The following MTMR7 variants were observed in gnomAD, a reference collection of about 807,000 sequenced individuals.
MTMR7 encodes the protein myotubularin related protein 7.
Under a neutral mutation model 81.2 loss-of-function variants are expected in MTMR7, and 76 were observed. The ratio of observed to expected loss-of-function variants is 0.94; its 90% CI spans 0.78 to 1.13. The LOEUF is 1.13. MTMR7 is among the 50% of genes most tolerant of loss of function. MTMR7 has a pLI of 0.00. For synonymous variants in MTMR7, 372 were observed against 289.8 expected (o/e 1.28, Z -2.88); for missense variants, 1,044 against 820.0 (o/e 1.27, Z -3.34).
At chr8:17,365,286 G>C (rs959453224) in intron 3 of MTMR7, among the ~76,000 whole-genome samples, 10 of 152,054 alleles carry the variant, frequency 6.6e-5, no homozygotes, top group African/African-American at 2.2e-4. Flanking sequence ...CTATAGAGTT[G>C]TTTGAGTTCC....
intron 7 of MTMR7, among the ~76,000 whole-genome samples, chr8:17,318,671 T>A (rs1818225195): frequency 6.6e-6 from 1 of 152,196 alleles, no homozygotes; most frequent in African/African-American, 2.4e-5. Flanking sequence ...GGTTCCAGGT[T>A]AGGGTCTGCT....
At position 17,300,233 on chromosome 8, in the gene MTMR7, G is replaced by A; in HGVS notation, c.1621-9C>T. On this transcript the variant is annotated splice_polypyrimidine_tract_variant and intron_variant, in intron 13 of 13. Coordinates refer to ENST00000180173, the MANE Select transcript of MTMR7 (RefSeq NM_004686.5). ...TGAATTTTTTCCAGCCTCTAAGAAA[G>A]AAATAACAATTTCAGGGGAAAAATC... 6.3e-7 allele frequency: 1 copy of A among 1,590,500 alleles called. No homozygotes were observed. The highest frequency in any genetic ancestry group is 8.6e-7 in the Non-Finnish European group (1 of 1,169,578).
chr8:17,411,388 CAT>C (rs936971776), intron 1 of MTMR7, among the ~76,000 whole-genome samples: 2 of 152,202 alleles, frequency 1.3e-5, no homozygotes, highest in African/African-American at 4.8e-5. Flanking sequence ...GCACCTTGCA[CAT>C]GTCTCTATCA....
chr8:17,340,535 T>G (rs1819377354), intron 6 of MTMR7, among the ~76,000 whole-genome samples: 1 of 152,188 alleles, frequency 6.6e-6, no homozygotes, highest in South Asian at 2.1e-4. Flanking sequence ...CTTGTTGAAG[T>G]TTTAGAAGAC....
chr8:17,409,025 A>T lies in MTMR7; in HGVS notation c.24+4244T>A, dbSNP rs77459602. Among the ~76,000 whole-genome samples the T allele has an allele frequency of 2.8e-3, 428 of 152,340 alleles. 3 individuals carry two copies. The highest frequency in any genetic ancestry group is 9.8e-3 in the African/African-American group (409 of 41,572). On this transcript the variant is annotated intron_variant, in intron 1 of 13. Transcript: ENST00000180173. ...TAATTGCAAAATATGTTTCATATATATCTCACATATTATGTCAGATACACT... is the reference window on the plus strand; with the variant it reads ...TAATTGCAAAATATGTTTCATATATTTCTCACATATTATGTCAGATACACT...
chr8:17,308,975 T>G (rs1205213818), intron 10 of MTMR7, among the ~76,000 whole-genome samples: 1 of 152,190 alleles, frequency 6.6e-6, no homozygotes, highest in Non-Finnish European at 1.5e-5. Flanking sequence ...ATGGAATAAT[T>G]TAGTAAGTCA....
At chr8:17,351,562 T>C (rs553408033) in intron 4 of MTMR7, among the ~76,000 whole-genome samples, 1 of 152,384 alleles carries the variant, frequency 6.6e-6, no homozygotes, top group East Asian at 1.9e-4. Flanking sequence ...TGGCTTGGCA[T>C]GTGCCAGGAC....
At chr8:17,388,028 G>C (rs76831215) in intron 1 of MTMR7, among the ~76,000 whole-genome samples, 4 of 152,320 alleles carry the variant, frequency 2.6e-5, no homozygotes, top group Non-Finnish European at 5.9e-5. Flanking sequence ...TAAGAAGTAA[G>C]AGTGATAGAA....
At chr8:17,318,557 TC>T (rs1185696855) in intron 7 of MTMR7, among the ~76,000 whole-genome samples, 3 of 152,204 alleles carry the variant, frequency 2.0e-5, no homozygotes, top group African/African-American at 4.8e-5. Context: ...GACTCGCTCT[TC>T]CTGTGGTTCC....
chr8:17,386,620 C>G (rs1044249451), intron 1 of MTMR7, among the ~76,000 whole-genome samples: 6 of 146,744 alleles, frequency 4.1e-5, no homozygotes, highest in African/African-American at 1.5e-4. Flanking sequence ...GCCCTCATTG[C>G]TGGCTCTCAG....
intron 6 of MTMR7, among the ~76,000 whole-genome samples, chr8:17,339,541 G>A (rs1231209625): frequency 6.6e-6 from 1 of 152,128 alleles, no homozygotes; most frequent in Admixed American, 6.5e-5. Context: ...CTCTTAGTAT[G>A]ACACTTTCAA....
chr8:17,327,348 G>A (rs1048874139), intron 7 of MTMR7, among the ~76,000 whole-genome samples: 3 of 152,262 alleles, frequency 2.0e-5, no homozygotes, highest in African/African-American at 2.4e-5. Context: ...ATGGCTTACT[G>A]CAGCCTCAAC....
intron 4 of MTMR7, among the ~76,000 whole-genome samples, chr8:17,359,953 C>A (rs1053541468): frequency 2.6e-5 from 4 of 152,014 alleles, no homozygotes; most frequent in African/African-American, 9.7e-5. Flanking sequence ...AAAATGCTAT[C>A]TTTTAAAAAA....
At chr8:17,345,541 T>A (rs1323704597) in intron 5 of MTMR7, among the ~76,000 whole-genome samples, 1 of 152,236 alleles carries the variant, frequency 6.6e-6, no homozygotes, top group Admixed American at 6.5e-5. Flanking sequence ...CTGCCCAGTG[T>A]CAAGTGCTGT....
intron 1 of MTMR7, among the ~76,000 whole-genome samples, chr8:17,388,456 A>G (rs1304194816): frequency 1.3e-5 from 2 of 152,224 alleles, no homozygotes; most frequent in African/African-American, 4.8e-5. Context: ...TCAAAACAAT[A>G]AAGTCATTTT....
intron 1 of MTMR7, among the ~76,000 whole-genome samples, chr8:17,385,503 G>A (rs1820907095): frequency 6.6e-6 from 1 of 152,166 alleles, no homozygotes; most frequent in African/African-American, 2.4e-5. Context: ...CCACCACCAC[G>A]TAAGAAGTCT....
chr8:17,313,430 A>G (rs1198335433), intron 7 of MTMR7, 29 bp from the exon 8 acceptor site: 1 of 1,406,468 alleles, frequency 7.1e-7, no homozygotes, highest in African/African-American at 1.4e-5. Flanking sequence ...TATAAAAGCA[A>G]AATTAAGGTA....
chr8:17,308,852 T>TG (rs1817633536), intron 10 of MTMR7, among the ~76,000 whole-genome samples: 1 of 152,216 alleles, frequency 6.6e-6, no homozygotes, highest in Non-Finnish European at 1.5e-5. Context: ...CAGAGACATC[T>TG]GGGACAAACT....
intron 6 of MTMR7, among the ~76,000 whole-genome samples, chr8:17,333,925 G>A (rs1819138470): frequency 6.6e-6 from 1 of 152,002 alleles, no homozygotes; most frequent in South Asian, 2.1e-4. Context: ...AAGAGAGACA[G>A]ACTACACAGT....
Sources: allele counts gnomAD v4.1 joint callset (sites outside exome capture counted in the v4.1 genomes callset), GRCh38; gene constraint gnomAD v4.1.1; transcripts MANE v1.5; gene names NCBI Gene and HGNC (gene_info 2026-07-23, HGNC 2026-07-21).